PCDHGA5: variants seen among roughly 807,000 people sequenced by gnomAD.
The protein encoded by PCDHGA5 is protocadherin gamma-A5.
Under a neutral mutation model 56.7 loss-of-function variants are expected in PCDHGA5, and 36 were observed. The observed-to-expected ratio is 0.64, with a 90% confidence interval of 0.49 to 0.84. The LOEUF (loss-of-function observed/expected upper bound fraction) is 0.84. Among genes scored for constraint, PCDHGA5 ranks in the 40% least tolerant of loss-of-function variants. The pLI, the probability that PCDHGA5 is intolerant of heterozygous loss-of-function variation, is 0.00. For missense variants in PCDHGA5, 1,305 were observed against 1,201.5 expected (o/e 1.09, Z -1.27); for synonymous variants, 563 against 520.2 (o/e 1.08, Z -1.12).
intron 1 of PCDHGA5, among the ~76,000 whole-genome samples, chr5:141,448,573 AT>A (rs976781630): frequency 1.3e-5 from 2 of 151,652 alleles, no homozygotes; most frequent in East Asian, 1.9e-4. Flanking sequence ...TTATTTCCCC[AT>A]TTTTTTTACA....
rs553126235 is a variant in PCDHGA5 at position 141,473,346 on chromosome 5, G to A, written c.2422-21461G>A. Reference sequence around the variant, plus strand: ...AAGTGCCTGCTGTGCTAGACAGTGAGGATGCAAGTGGCCACCAAAATAGCA... The same window carrying A: ...AAGTGCCTGCTGTGCTAGACAGTGAAGATGCAAGTGGCCACCAAAATAGCA... On this transcript the variant is annotated intron_variant, in intron 1 of 3. Transcript: ENST00000518069. Among the ~76,000 whole-genome samples, 9 of 152,310 alleles carry A rather than the reference G, an allele frequency of 5.9e-5. No individual in the cohort carries two copies. The East Asian group carries it at 1.5e-3, about 26-fold the overall frequency.
intron 1 of PCDHGA5, chr5:141,384,922 C>G: frequency 6.2e-7 from 1 of 1,614,018 alleles, no homozygotes; most frequent in Non-Finnish European, 8.5e-7. Flanking sequence ...CTTGGCCGAC[C>G]TGGGCAGCCT....
intron 1 of PCDHGA5, chr5:141,430,824 C>T: frequency 6.5e-7 from 1 of 1,547,704 alleles, no homozygotes; most frequent in Non-Finnish European, 8.7e-7. Flanking sequence ...CTCCTGGGGA[C>T]TCTGTGGGAG....
intron 1 of PCDHGA5, chr5:141,433,087 A>G (rs769187557): frequency 6.2e-7 from 1 of 1,614,206 alleles, no homozygotes. Context: ...CCAACTATGC[A>G]GACATGCTCG....
At chr5:141,383,314 A>C (rs1362079173) in intron 1 of PCDHGA5, 4 of 1,613,886 alleles carry the variant, frequency 2.5e-6, no homozygotes, top group Non-Finnish European at 8.5e-7. Flanking sequence ...GGAAGAAATA[A>C]ATGTAAAAAT....
chr5:141,399,773 G>A (rs750173338), intron 1 of PCDHGA5: 3 of 1,613,302 alleles, frequency 1.9e-6, no homozygotes, highest in Admixed American at 1.7e-5. Flanking sequence ...GTGTTGGTGG[G>A]CGACCGAAAC....
At position 141,383,558 on chromosome 5, in the gene PCDHGA5, C is replaced by T. The variant is rs374657057; in HGVS notation, c.2421+16807C>T. Reference sequence around the variant, plus strand: ...CTCACAGCCTCTGATGGCGGCGACCCGCCCCGATCCAGCACCGCCCACATC... The same window carrying T: ...CTCACAGCCTCTGATGGCGGCGACCTGCCCCGATCCAGCACCGCCCACATC... On this transcript the variant is annotated intron_variant, in intron 1 of 3. Coordinates refer to ENST00000518069, the MANE Select transcript of PCDHGA5 (RefSeq NM_018918.3). 17 of 1,612,704 alleles carry T rather than the reference C, an allele frequency of 1.1e-5. No homozygotes were observed. The African/African-American group carries it at 2.0e-4, about 19-fold the overall frequency.
At chr5:141,504,364 G>A (rs764741297) in intron 2 of PCDHGA5, among the ~76,000 whole-genome samples, 2 of 152,116 alleles carry the variant, frequency 1.3e-5, no homozygotes, top group African/African-American at 2.4e-5. Flanking sequence ...GCTTCAGTAG[G>A]AAGCAGGTGG....
intron 1 of PCDHGA5, chr5:141,393,343 A>G (rs751102208): frequency 8.1e-6 from 13 of 1,613,914 alleles, no homozygotes; most frequent in Non-Finnish European, 1.1e-5. Context: ...CCCAATCACC[A>G]CTTCTCCCTG....
intron 1 of PCDHGA5, chr5:141,403,638 A>T (rs373036061): frequency 1.9e-6 from 3 of 1,613,906 alleles, no homozygotes; most frequent in Non-Finnish European, 2.5e-6. Flanking sequence ...GTGCGCATCC[A>T]TGTGACAGTG....
intron 1 of PCDHGA5, chr5:141,423,389 A>G (rs568843632): frequency 2.5e-6 from 4 of 1,614,160 alleles, no homozygotes; most frequent in Admixed American, 1.7e-5. Flanking sequence ...TGGCGCTGGC[A>G]TAAGTCACGC....
intron 1 of PCDHGA5, chr5:141,383,358 G>C (rs773383689): frequency 8.7e-6 from 14 of 1,613,864 alleles, no homozygotes; most frequent in Middle Eastern, 1.6e-4. Context: ...TTCGGTTTCC[G>C]TTAAGCGAGG....
chr5:141,375,490 C>T (rs752487734), intron 1 of PCDHGA5: 1 of 1,614,012 alleles, frequency 6.2e-7, no homozygotes, highest in East Asian at 2.2e-5. Context: ...CCAGGGGTGC[C>T]TCCATCTTCT....
intron 1 of PCDHGA5, chr5:141,376,715 T>C: frequency 1.6e-6 from 1 of 622,970 alleles, no homozygotes; most frequent in Non-Finnish European, 2.6e-6. Flanking sequence ...AGTCTCGCTC[T>C]GTCGCCCAGG....
At chr5:141,382,900 A>G (rs564801333) in intron 1 of PCDHGA5, 1 of 1,542,254 alleles carries the variant, frequency 6.5e-7, no homozygotes, top group South Asian at 1.3e-5. Context: ...CAGGACGACT[A>G]TGGCGGCTCA....
intron 1 of PCDHGA5, among the ~76,000 whole-genome samples, chr5:141,448,871 G>A (rs1326162054): frequency 6.6e-6 from 1 of 152,148 alleles, no homozygotes; most frequent in Non-Finnish European, 1.5e-5. Flanking sequence ...CGTGAACCTG[G>A]GAGGCGGAGC....
rs780843098 is a variant in PCDHGA5 at position 141,431,185 on chromosome 5, T to C, written c.2422-63622T>C. On this transcript the variant is annotated intron_variant, in intron 1 of 3. Coordinates refer to ENST00000518069, the MANE Select transcript of PCDHGA5 (RefSeq NM_018918.3). The surrounding 1 kb of genome is among the most constrained non-coding windows in gnomAD (Gnocchi z 4.8). ...GTGAAAGTGAATTAGAAATAAAAAT[T>C]AGTGAAAATGCAGCCACTGAGATGC... The C allele has an allele frequency of 3.1e-6, 5 of 1,613,982 alleles. No homozygotes were observed. The highest frequency in any genetic ancestry group is 4.2e-6 in the Non-Finnish European group (5 of 1,180,016).
chr5:141,460,981 GTGTATATATA>G (rs1332002052), intron 1 of PCDHGA5, among the ~76,000 whole-genome samples: 6 of 121,884 alleles, frequency 4.9e-5, no homozygotes, highest in Non-Finnish European at 1.0e-4. Flanking sequence ...GTGTGTGTGT[GTGTATATATA>G]TATATGTGTA....
chr5:141,508,737 C>A (rs919094477), intron 3 of PCDHGA5, among the ~76,000 whole-genome samples: 8 of 152,010 alleles, frequency 5.3e-5, no homozygotes, highest in Non-Finnish European at 1.2e-4. Flanking sequence ...CTACACCCCC[C>A]ACCCCGCTCT....
Sources: gnomAD v4.1 joint callset for allele counts (sites outside exome capture counted in the v4.1 genomes callset) on GRCh38, gnomAD v4.1.1 for gene constraint, Gnocchi (gnomAD v3.1) non-coding constraint, MANE v1.5 for transcripts, NCBI Gene and HGNC (gene_info 2026-07-23, HGNC 2026-07-21) for gene names.